STARD13: variants seen among roughly 807,000 people sequenced by gnomAD.
The protein encoded by STARD13 is StAR related lipid transfer domain containing 13, also known as stAR-related lipid transfer protein 13.
Under a neutral mutation model 106.4 loss-of-function variants are expected in STARD13, and 62 were observed. That is an observed-to-expected ratio of 0.58 (90% CI 0.48 to 0.72). The LOEUF (loss-of-function observed/expected upper bound fraction) is 0.72. Ranked by LOEUF, STARD13 falls within the 30% of genes least tolerant of loss-of-function variation. The probability of loss-of-function intolerance (pLI) is 0.00; values close to 1 mark genes in which losing one functional copy is unlikely to be tolerated. For missense variants in STARD13, 1,387 were observed against 1,424.0 expected (o/e 0.97, Z 0.42); for synonymous variants, 565 against 553.0 (o/e 1.02, Z -0.31).
At chr13:33,117,433 C>A (rs1014213177) in intron 8 of STARD13, 1 of 201,354 alleles carries the variant, frequency 5.0e-6, no homozygotes, top group Non-Finnish European at 8.8e-6. Flanking sequence ...TCTAATACCC[C>A]CATTGCAACC....
the STARD13 span, among the ~76,000 whole-genome samples, chr13:33,647,625 G>A: frequency 6.6e-6 from 1 of 152,190 alleles, no homozygotes; most frequent in Non-Finnish European, 1.5e-5. Flanking sequence ...CTATCTTGAA[G>A]GACCTTGAGC....
At chr13:33,473,450 C>T in the STARD13 span, among the ~76,000 whole-genome samples, 18 of 152,320 alleles carry the variant, frequency 1.2e-4, no homozygotes, top group Admixed American at 2.6e-4. Context: ...GCATGCTGCA[C>T]AGAAAGCCAA....
the STARD13 span, among the ~76,000 whole-genome samples, chr13:33,357,232 T>C: frequency 6.6e-6 from 1 of 152,268 alleles, no homozygotes; most frequent in Non-Finnish European, 1.5e-5. Context: ...GTATGTTTAC[T>C]GGTGTGGACA....
chr13:33,232,221 GA>G (rs1254784078), intron 1 of STARD13, among the ~76,000 whole-genome samples: 2 of 152,128 alleles, frequency 1.3e-5, no homozygotes, highest in African/African-American at 4.8e-5. Flanking sequence ...GCTGAAGCAG[GA>G]GGATCACTTG....
chr13:33,435,000 G>T, the STARD13 span, among the ~76,000 whole-genome samples: 1 of 152,136 alleles, frequency 6.6e-6, no homozygotes, highest in Non-Finnish European at 1.5e-5. Context: ...ATAGAAACTA[G>T]TTGGGGAAAG....
the STARD13 span, among the ~76,000 whole-genome samples, chr13:33,574,030 A>T: frequency 6.6e-5 from 10 of 152,226 alleles, no homozygotes; most frequent in Middle Eastern, 3.2e-3. Flanking sequence ...AATGAACAAT[A>T]GTATAGATGA....
At chr13:33,205,108 A>G (rs1263948131) in intron 1 of STARD13, among the ~76,000 whole-genome samples, 1 of 152,252 alleles carries the variant, frequency 6.6e-6, no homozygotes, top group Admixed American at 6.5e-5. Flanking sequence ...GACATATGAC[A>G]TCGAACGCAA....
chr13:33,512,393 T>A, the STARD13 span, among the ~76,000 whole-genome samples: 1 of 152,170 alleles, frequency 6.6e-6, no homozygotes, highest in Non-Finnish European at 1.5e-5. Flanking sequence ...GCTTTCAAGA[T>A]TAAGAGTCTT....
chr13:33,639,012 A>G, the STARD13 span, among the ~76,000 whole-genome samples: 5 of 152,248 alleles, frequency 3.3e-5, no homozygotes, highest in South Asian at 6.2e-4. Flanking sequence ...TTTGTGAACC[A>G]GACATTTTTC....
At chr13:33,350,158 C>CGCT (rs1342591799) in intron 1 of STARD13, 7 of 1,245,342 alleles carry the variant, frequency 5.6e-6, no homozygotes, top group African/African-American at 1.6e-5. Context: ...GCCCGCAGCC[C>CGCT]GCTCGCCCCG....
At chr13:33,383,985 A>C in the STARD13 span, among the ~76,000 whole-genome samples, 4 of 152,114 alleles carry the variant, frequency 2.6e-5, no homozygotes, top group Non-Finnish European at 5.9e-5. Context: ...TCGATTATTA[A>C]TTTAGCCTGA....
chr13:33,642,031 A>G, the STARD13 span, among the ~76,000 whole-genome samples: 2 of 152,214 alleles, frequency 1.3e-5, no homozygotes, highest in Non-Finnish European at 2.9e-5. Context: ...TGAAAATAGT[A>G]ATTTGTCTTT....
chr13:33,333,667 A>G (rs2077862545), intron 1 of STARD13: 2 of 152,228 alleles, frequency 1.3e-5, no homozygotes, highest in African/African-American at 2.4e-5. Flanking sequence ...GAGCAAGTCA[A>G]TGCCTTTCAT....
At chr13:33,558,704 T>C in the STARD13 span, among the ~76,000 whole-genome samples, 1 of 147,176 alleles carries the variant, frequency 6.8e-6, no homozygotes, top group East Asian at 1.9e-4. Context: ...CTTTCTGTTA[T>C]GCTATCCTAG....
the STARD13 span, among the ~76,000 whole-genome samples, chr13:33,431,412 T>C: frequency 3.3e-5 from 5 of 152,204 alleles, no homozygotes; most frequent in Non-Finnish European, 1.5e-5. Flanking sequence ...TTTTCACCTG[T>C]TTCTTTTATT....
chr13:33,358,092 T>G, the STARD13 span, among the ~76,000 whole-genome samples: 1 of 152,322 alleles, frequency 6.6e-6, no homozygotes, highest in East Asian at 1.9e-4. Flanking sequence ...CCAGCCCTGC[T>G]GGCCCCGGGC....
the STARD13 span, among the ~76,000 whole-genome samples, chr13:33,367,056 A>G: frequency 6.6e-6 from 1 of 152,220 alleles, no homozygotes; most frequent in African/African-American, 2.4e-5. Flanking sequence ...TTAAAAATAC[A>G]TTAAAATCAG....
the STARD13 span, among the ~76,000 whole-genome samples, chr13:33,560,012 T>C: frequency 6.6e-6 from 1 of 151,636 alleles, no homozygotes; most frequent in African/African-American, 2.4e-5. Flanking sequence ...AATATATGCC[T>C]GTTATTTAAG....
the STARD13 span, among the ~76,000 whole-genome samples, chr13:33,375,170 C>A: frequency 6.6e-6 from 1 of 152,112 alleles, no homozygotes; most frequent in Non-Finnish European, 1.5e-5. Flanking sequence ...GAGACAGACA[C>A]TGGGGAGACT....
Sources: allele counts gnomAD v4.1 joint callset (sites outside exome capture counted in the v4.1 genomes callset), GRCh38; gene constraint gnomAD v4.1.1; transcripts MANE v1.5; gene names NCBI Gene and HGNC (gene_info 2026-07-23, HGNC 2026-07-21).